Variants in NSUN7 observed in about 807,000 individuals in gnomAD.
The protein encoded by NSUN7 is protein NSUN7.
A neutral mutation model predicts 58.5 loss-of-function variants in NSUN7; 39 were observed. The ratio of observed to expected loss-of-function variants is 0.67; its 90% CI spans 0.52 to 0.87. NSUN7 has a LOEUF of 0.87. Among genes scored for constraint, NSUN7 ranks in the 40% least tolerant of loss-of-function variants. NSUN7 has a pLI of 0.00. For missense variants in NSUN7, 765 were observed against 844.1 expected (o/e 0.91, Z 1.16); for synonymous variants, 278 against 303.7 (o/e 0.92, Z 0.88).
chr4:40,792,709 G>A (rs567762416), intron 8 of NSUN7, among the ~76,000 whole-genome samples: 12 of 151,934 alleles, frequency 7.9e-5, no homozygotes, highest in Admixed American at 2.6e-4. Context: ...CCGAGATCGC[G>A]CCACTGCACT....
Position 40,774,826 on chromosome 4 carries a change from T to G in NSUN7, c.701T>G (p.Leu234Trp). The change falls in exon 6 of 12, where the codon TTG becomes TGG. Residue 234 changes from leucine (L) to tryptophan (W), a missense_variant. Transcript: ENST00000381782. ...RRGYNKVKSV[L>W]HIDDKVFAVD... ...GGCTATAATAAAGTCAAATCTGTATTGCATATTGATGATAAAGTCTTTGCT... is the reference window on the plus strand; with the variant it reads ...GGCTATAATAAAGTCAAATCTGTATGGCATATTGATGATAAAGTCTTTGCT... The G allele has an allele frequency of 6.4e-7, 1 of 1,556,082 alleles. No homozygotes were observed. The highest frequency in any genetic ancestry group is 1.4e-5 in the African/African-American group (1 of 73,802).
intron 4 of NSUN7, among the ~76,000 whole-genome samples, chr4:40,763,287 C>G (rs1741543770): frequency 6.6e-6 from 1 of 152,184 alleles, no homozygotes. Flanking sequence ...TATGTACTCT[C>G]TGTGTTAAAT....
At chr4:40,758,567 T>C (rs1741287541) in intron 2 of NSUN7, among the ~76,000 whole-genome samples, 1 of 152,048 alleles carries the variant, frequency 6.6e-6, no homozygotes, top group African/African-American at 2.4e-5. Context: ...GTCTCACGCC[T>C]GTAACCCCAA....
At chr4:40,751,044 A>G in intron 2 of NSUN7, 53 bp downstream of exon 2, 4 of 1,576,970 alleles carry the variant, frequency 2.5e-6, no homozygotes, top group Non-Finnish European at 3.5e-6. Flanking sequence ...ATAGCGAGAG[A>G]ATTTGGGGAA....
intron 7 of NSUN7, among the ~76,000 whole-genome samples, chr4:40,785,201 ATT>A (rs34585824): frequency 2.2e-5 from 3 of 138,650 alleles, no homozygotes; most frequent in East Asian, 2.1e-4. Context: ...ACTCTCAGCT[ATT>A]TTTTTTTTTT....
At chr4:40,804,698 C>T (rs1743743281) in intron 10 of NSUN7, among the ~76,000 whole-genome samples, 1 of 152,138 alleles carries the variant, frequency 6.6e-6, no homozygotes. Flanking sequence ...GTGAGCAGTG[C>T]ATGAGAGGTC....
intron 8 of NSUN7, among the ~76,000 whole-genome samples, chr4:40,791,805 C>T (rs1366647537): frequency 2.6e-5 from 4 of 152,112 alleles, no homozygotes; most frequent in Non-Finnish European, 5.9e-5. Context: ...AGGCAATATT[C>T]TAGGTAGTGT....
intron 10 of NSUN7, among the ~76,000 whole-genome samples, chr4:40,804,982 C>T (rs1743755074): frequency 1.3e-5 from 2 of 152,032 alleles, no homozygotes; most frequent in African/African-American, 4.8e-5. Flanking sequence ...AGTGGGTGTA[C>T]TTTTGGGACC....
intron 1 of NSUN7, 105 bp from the exon 2 acceptor site, chr4:40,750,498 G>C (rs1489675930): frequency 2.0e-5 from 12 of 587,736 alleles, no homozygotes; most frequent in Admixed American, 6.2e-5. Context: ...ACTCAGATGG[G>C]ACGGGAAATG....
intron 4 of NSUN7, among the ~76,000 whole-genome samples, chr4:40,766,335 A>G (rs1459576638): frequency 6.6e-6 from 1 of 151,788 alleles, no homozygotes; most frequent in African/African-American, 2.4e-5. Context: ...ATCTATTGAG[A>G]TAATCATGTG....
intron 7 of NSUN7, among the ~76,000 whole-genome samples, chr4:40,789,861 C>T (rs770252315): frequency 6.6e-5 from 10 of 152,016 alleles, no homozygotes; most frequent in Non-Finnish European, 1.2e-4. Context: ...GATTCTTCAG[C>T]AGGTGAGGCG....
At chr4:40,801,420 G>C (rs1197047274) in intron 10 of NSUN7, among the ~76,000 whole-genome samples, 1 of 152,074 alleles carries the variant, frequency 6.6e-6, no homozygotes, top group Non-Finnish European at 1.5e-5. Context: ...AATTGTTATA[G>C]TTGTTATTAT....
rs1470116791 is a variant in NSUN7, at chr4:40,808,419, A to G, written c.1637A>G (p.Lys546Arg). 6.2e-7 allele frequency: 1 copy of G among 1,613,720 alleles called. No individual in the cohort carries two copies. Among genetic ancestry groups the G allele is most frequent in the Admixed American group, 1.7e-5 (1 of 59,978 alleles). ...GKSSKREKKK[K>R]KSKTSLTKGA... ...TCATCAAAACGGGAGAAGAAGAAGA[A>G]AAAATCAAAAACATCATTGACAAAA... is the stretch of plus-strand genomic sequence containing the variant. Residue 546 changes from lysine to arginine, a missense_variant, in exon 12 of 12, where the codon AAA becomes AGA. By Grantham distance (26) the Lys-to-Arg change is conservative (BLOSUM62 2). Transcript: ENST00000381782.
At chr4:40,760,159 TA>T (rs1434523506) in intron 2 of NSUN7, among the ~76,000 whole-genome samples, 1 of 152,230 alleles carries the variant, frequency 6.6e-6, no homozygotes, top group African/African-American at 2.4e-5. Context: ...GGCCATACAT[TA>T]AAGATTGGAA....
At position 40,808,355 on chromosome 4, in the gene NSUN7, G is replaced by T. The variant is rs763015700; in HGVS notation, c.1573G>T (p.Ala525Ser). 8 of 1,613,986 alleles carry T rather than the reference G, an allele frequency of 5.0e-6. 1 individual carries two copies. In the South Asian group the frequency reaches 8.8e-5, roughly 18 times the overall value. Residue 525 changes from alanine (A) to serine (S), a missense_variant, in exon 12 of 12, where the codon GCA (alanine) becomes TCA (serine). Ala to Ser is a moderately conservative substitution (Grantham distance 99). Coordinates refer to ENST00000381782, the MANE Select transcript of NSUN7 (RefSeq NM_024677.6). ...TGTGAATGATGTTTTGGCCCGAGCT[G>T]CAGCCAAGGGTCTGCTGGATGGGAT... The part of the protein sequence containing the change: ...VSVNDVLARA[A>S]AKGLLDGIEL...
chr4:40,761,284 A>G lies in NSUN7; in HGVS notation c.471A>G (p.Val157=). The part of the protein sequence containing the change: ...NEEPISEVQE[V]ENLLNSFKIK... ...AGCCCATATCAGAAGTTCAAGAAGT[A>G]GAGAACCTTCTTAACAGGTAATCGT... Residue 157 remains valine, a synonymous_variant, in exon 4 of 12, where the codon GTA becomes GTG. Coordinates refer to ENST00000381782, the MANE Select transcript of NSUN7 (RefSeq NM_024677.6). The G allele has an allele frequency of 6.3e-7, 1 of 1,599,634 alleles. No homozygotes were observed. Among genetic ancestry groups the G allele is most frequent in the South Asian group, 1.1e-5 (1 of 87,822 alleles).
intron 7 of NSUN7, among the ~76,000 whole-genome samples, chr4:40,780,778 CACACACACATACACAT>C (rs1428851586): frequency 3.1e-4 from 22 of 70,520 alleles, no homozygotes; most frequent in African/African-American, 1.4e-3. Flanking sequence ...CACACACACA[CACACACACATACACAT>C]ATATATATAT....
chr4:40,777,403 G>A (rs1742321894), intron 7 of NSUN7, among the ~76,000 whole-genome samples: 1 of 151,800 alleles, frequency 6.6e-6, no homozygotes, highest in Non-Finnish European at 1.5e-5. Context: ...GCACCATCTT[G>A]GCTCACTGCA....
intron 2 of NSUN7, among the ~76,000 whole-genome samples, chr4:40,755,707 A>C (rs1408346358): frequency 6.6e-6 from 1 of 152,216 alleles, no homozygotes; most frequent in Non-Finnish European, 1.5e-5. Flanking sequence ...CAGATTCAAT[A>C]ATTTGCTACA....
Sources: gnomAD v4.1 joint callset for allele counts (sites outside exome capture counted in the v4.1 genomes callset) on GRCh38, gnomAD v4.1.1 for gene constraint, MANE v1.5 for transcripts, NCBI Gene and HGNC (gene_info 2026-07-23, HGNC 2026-07-21) for gene names.